CAD: variants seen among roughly 807,000 people sequenced by gnomAD.
CAD encodes the protein multifunctional protein CAD.
CAD carries 81 observed loss-of-function variants against 237.2 expected under a neutral mutation model. That is an observed-to-expected ratio of 0.34 (90% CI 0.29 to 0.41). CAD has a LOEUF of 0.41. CAD is among the 10% of genes least tolerant of loss of function. The probability of loss-of-function intolerance (pLI) is 1.00; values close to 1 mark genes in which losing one functional copy is unlikely to be tolerated. For missense variants in CAD, 2,181 were observed against 2,951.7 expected, an observed-to-expected ratio of 0.74 and a Z score of 6.05; for synonymous variants, 1,196 against 1,162.8, an observed-to-expected ratio of 1.03 and a Z score of -0.58.
At position 27,217,858 on chromosome 2, in the gene CAD, C is replaced by G. The variant is rs770081492; in HGVS notation, c.83-19C>G. The G allele has an allele frequency of 2.5e-6, 4 of 1,584,270 alleles. No homozygotes were observed. The highest frequency in any genetic ancestry group is 3.4e-6 in the Non-Finnish European group (4 of 1,164,868). ...CGAAGGGTGCCCTACCGGAGCCCAG[C>G]CCTGCTTCTTTCTTGCAGTGTTTCA... On this transcript the variant is annotated intron_variant, in intron 1 of 43. Coordinates refer to ENST00000264705, the MANE Select transcript of CAD (RefSeq NM_004341.5).
In CAD at chr2:27,237,499, C is replaced by T. The variant is rs943094776; in HGVS notation, c.4517C>T (p.Thr1506Ile). 2.5e-6 allele frequency: 4 copies of T among 1,613,996 alleles called. No individual in the cohort carries two copies. In the African/African-American group the frequency reaches 4.0e-5, roughly 16 times the overall value. The change falls in exon 28 of 44, where the codon ACC (threonine) becomes ATC (isoleucine). Residue 1506 changes from threonine (T) to isoleucine (I), a missense_variant. Transcript: ENST00000264705. This position sits in a 1 kb window ranked among gnomAD's most constrained non-coding sequence, Gnocchi z 4.0. Reference protein sequence around the residue: ...GITMVCAMPNTRPPIIDAPAL... With the variant: ...GITMVCAMPNIRPPIIDAPAL... The stretch of plus-strand genomic sequence containing the variant: ...ACCATGGTGTGTGCCATGCCTAATA[C>T]CCGGCCCCCCATCATTGACGCCCCT...
rs1341814468 is a variant in CAD at position 27,237,283 on chromosome 2, C to G, written c.4397-96C>G. ...AGGTGATCTGCCCACCTCGGCCTCCCAAAGTGCTAGGATTACAGGCGTGAG... is the reference window on the plus strand; with the variant it reads ...AGGTGATCTGCCCACCTCGGCCTCCGAAAGTGCTAGGATTACAGGCGTGAG... On this transcript the variant is annotated intron_variant, in intron 27 of 43. Coordinates refer to ENST00000264705, the MANE Select transcript of CAD (RefSeq NM_004341.5). The surrounding 1 kb of genome is among the most constrained non-coding windows in gnomAD (Gnocchi z 4.0). The G allele has an allele frequency of 1.1e-5, 15 of 1,362,214 alleles. No homozygotes were observed. In the East Asian group the frequency reaches 3.5e-4, roughly 31 times the overall value. 84.4% of individuals were successfully genotyped at this position (1,362,214 alleles called of 1,614,324 possible).
Position 27,240,892 on chromosome 2 carries a change from C to T in CAD, c.5594-19C>T, listed in dbSNP as rs1418263132. On this transcript the variant is annotated intron_variant, in intron 35 of 43. Coordinates refer to ENST00000264705, the MANE Select transcript of CAD (RefSeq NM_004341.5). The surrounding 1 kb of genome is among the most constrained non-coding windows in gnomAD (Gnocchi z 4.6). ...ACCTCAGCCATAAATGTATATCTGT[C>T]CTCTTGTCCTGTTTGCAGCTGAGGA... The T allele has an allele frequency of 5.6e-6, 9 of 1,613,650 alleles. No homozygotes were observed. The East Asian group carries it at 6.7e-5, about 12-fold the overall frequency.
chr2:27,217,731 G>C (rs548368235), intron 1 of CAD, 98 bp downstream of exon 1: 2 of 1,429,044 alleles, frequency 1.4e-6, no homozygotes, highest in African/African-American at 1.4e-5. Flanking sequence ...TCCCGCCAGC[G>C]TACCCCCTTC....
At position 27,223,578 on chromosome 2, in the gene CAD, C is replaced by T; in HGVS notation, c.825C>T (p.Gly275=). The T allele has an allele frequency of 6.2e-7, 1 of 1,612,832 alleles. No individual in the cohort carries two copies. The part of the protein sequence containing the change: ...KTYKMRYGNR[G]HNQPCLLVGS... The stretch of plus-strand genomic sequence containing the variant: ...CTACCTCCAGATATGGGAACCGAGG[C>T]CATAACCAGCCCTGCTTGTTGGTGG... The change falls in exon 7 of 44, where the codon GGC becomes GGT. Residue 275 remains glycine (G), a synonymous_variant. Coordinates refer to ENST00000264705, the MANE Select transcript of CAD (RefSeq NM_004341.5).
Position 27,238,501 on chromosome 2 carries a change from TC to T in CAD, c.4933del (p.Leu1645Ter). 1 of 1,613,010 alleles carries T rather than the reference TC, an allele frequency of 6.2e-7. No individual in the cohort carries two copies. Among genetic ancestry groups the T allele is most frequent in the East Asian group, 2.2e-5 (1 of 44,868 alleles). On this transcript the variant is annotated frameshift_variant, in exon 31 of 44. Transcript: ENST00000264705. LOFTEE classifies it high-confidence loss of function. ...TGCGAGGTGGCTCCCCACCACCTGT[TC>T]CTAAGCCATGATGACCTGGAGCGCC... is the stretch of plus-strand genomic sequence containing the variant. Reference protein sequence around the residue: ...VTCEVAPHHLFLSHDDLERLG... With the variant: ...VTCEVAPHHLXLSHDDLERLG...
At position 27,220,656 on chromosome 2, in the gene CAD, CA is replaced by C. The variant is rs111297719; in HGVS notation, c.223-548del. On this transcript the variant is annotated intron_variant, in intron 2 of 43. Coordinates refer to ENST00000264705, the MANE Select transcript of CAD (RefSeq NM_004341.5). ...CCTGGATAACAGCAAGACCCTGTCT[CA>C]AAAAAAAAAAAAAGGAATGGCTAGG... Among the ~76,000 whole-genome samples the C allele has an allele frequency of 5.8e-3, 739 of 126,716 alleles. 1 individual carries two copies. Among genetic ancestry groups the C allele is most frequent in the African/African-American group, 9.3e-3 (320 of 34,480 alleles). The allele number at this position is 126,716 out of a possible 152,430, so 83.1% of individuals were successfully genotyped here.
At position 27,217,450 on chromosome 2, in the gene CAD, CCACGTGGACCGACTCCGGCGCGCCGTCCT is replaced by C. The variant is rs1674917399; in HGVS notation, c.-94_-66del. ...TCTCTCCAGCGCCCCGCGCCGTTAG[CCACGTGGACCGACTCCGGCGCGCCGTCCT>C]CACGTGGTTCCAGTGGAGTTTGCAG... On this transcript the variant is annotated 5_prime_UTR_variant, in exon 1 of 44. Coordinates refer to ENST00000264705, the MANE Select transcript of CAD (RefSeq NM_004341.5). 4 of 1,029,616 alleles carry C rather than the reference CCACGTGGACCGACTCCGGCGCGCCGTCCT, an allele frequency of 3.9e-6. No homozygotes were observed. The African/African-American group carries it at 6.4e-5, about 17-fold the overall frequency. 63.8% of individuals were successfully genotyped at this position (1,029,616 alleles called of 1,614,324 possible). A position where few individuals can be genotyped will look rare whatever the true frequency, so the allele number is the denominator to read the frequency against.
rs1451242863 is a variant in CAD, at chr2:27,237,293, G to A, written c.4397-86G>A. ...CCCACCTCGGCCTCCCAAAGTGCTA[G>A]GATTACAGGCGTGAGCCACCATGTC... On this transcript the variant is annotated intron_variant, in intron 27 of 43. Transcript: ENST00000264705. This position sits in a 1 kb window ranked among gnomAD's most constrained non-coding sequence, Gnocchi z 4.0. The A allele has an allele frequency of 2.1e-6, 3 of 1,437,822 alleles. No homozygotes were observed. Among genetic ancestry groups the A allele is most frequent in the Non-Finnish European group, 2.9e-6 (3 of 1,033,310 alleles). 89.1% of individuals were successfully genotyped at this position (1,437,822 alleles called of 1,614,324 possible). A position where few individuals can be genotyped will look rare whatever the true frequency, so the allele number is the denominator to read the frequency against.
chr2:27,222,908 C>T lies in CAD; in HGVS notation c.680C>T (p.Ala227Val), dbSNP rs755381059. The change falls in exon 6 of 44, where the codon GCC becomes GTC. Residue 227 changes from alanine to valine, a missense_variant. By Grantham distance (64) the Ala-to-Val change is moderately conservative. Transcript: ENST00000264705. ...LFLSNGPGDPASYPSVVSTLS... is the reference protein window; with the variant it reads ...LFLSNGPGDPVSYPSVVSTLS... The stretch of plus-strand genomic sequence containing the variant: ...TTAAGTAATGGGCCTGGTGACCCTG[C>T]CTCCTATCCCAGTGTCGTATCCACA... 6.2e-6 allele frequency: 10 copies of T among 1,614,054 alleles called. No individual in the cohort carries two copies. Among genetic ancestry groups the T allele is most frequent in the Non-Finnish European group, 8.5e-6 (10 of 1,180,026 alleles).
chr2:27,217,520 C>A lies in CAD; in HGVS notation c.-32C>A. 6.4e-7 allele frequency: 1 copy of A among 1,560,480 alleles called. No homozygotes were observed. Among genetic ancestry groups the A allele is most frequent in the Non-Finnish European group, 8.7e-7 (1 of 1,145,016 alleles). On this transcript the variant is annotated 5_prime_UTR_variant, in exon 1 of 44. Transcript: ENST00000264705. Reference sequence around the variant, plus strand: ...GAGTTTGCAGTCCTTCCCGCTTCTCCGTACTCGCCCCCGCCTCTGAGCTCC... The same window carrying A: ...GAGTTTGCAGTCCTTCCCGCTTCTCAGTACTCGCCCCCGCCTCTGAGCTCC...
At chr2:27,228,380 A>G (rs1305400715) in intron 15 of CAD, among the ~76,000 whole-genome samples, 1 of 152,194 alleles carries the variant, frequency 6.6e-6, no homozygotes, top group Non-Finnish European at 1.5e-5. Context: ...TGTGTTACCT[A>G]TTGCCTCTAC....
rs1676059069 is a variant in CAD at position 27,237,249 on chromosome 2, C to T, written c.4397-130C>T. 1 of 930,328 alleles carries T rather than the reference C, an allele frequency of 1.1e-6. No individual in the cohort carries two copies. Among genetic ancestry groups the T allele is most frequent in the Non-Finnish European group, 1.7e-6 (1 of 593,088 alleles). The allele number at this position is 930,328 out of a possible 1,614,324, so 57.6% of individuals were successfully genotyped here. A position where few individuals can be genotyped will look rare whatever the true frequency, so the allele number is the denominator to read the frequency against. On this transcript the variant is annotated intron_variant, in intron 27 of 43. Transcript: ENST00000264705. The surrounding 1 kb of genome is among the most constrained non-coding windows in gnomAD (Gnocchi z 4.0). Reference sequence around the variant, plus strand: ...ATGTTGGTCAGGTTGGTCTCGAACTCCTGATCTCAGGTGATCTGCCCACCT... The same window carrying T: ...ATGTTGGTCAGGTTGGTCTCGAACTTCTGATCTCAGGTGATCTGCCCACCT...
chr2:27,243,022 C>A, intron 42 of CAD, 49 bp downstream of exon 42: 1 of 1,476,532 alleles, frequency 6.8e-7, no homozygotes, highest in Non-Finnish European at 9.3e-7. Flanking sequence ...CGTAGGGCAT[C>A]AGATATGAGG....
chr2:27,242,916 GCTCTAC>G lies in CAD; in HGVS notation c.6424_6429del (p.Leu2142_Tyr2143del). On this transcript the variant is annotated inframe_deletion, in exon 42 of 44. Transcript: ENST00000264705. This position sits in a 1 kb window ranked among gnomAD's most constrained non-coding sequence, Gnocchi z 6.4. Reference sequence around the variant, plus strand: ...AGGAGGCGCTGCCTGACACTGATGTGCTCTACATGACTCGAATCCAGAAGGAACGAT... The same window carrying G: ...AGGAGGCGCTGCCTGACACTGATGTGATGACTCGAATCCAGAAGGAACGAT... 6.2e-7 allele frequency: 1 copy of G among 1,613,282 alleles called. No homozygotes were observed.
intron 8 of CAD, 53 bp from the exon 9 acceptor site, chr2:27,224,292 C>T (rs1289777235): frequency 4.4e-6 from 7 of 1,595,238 alleles, no homozygotes; most frequent in Non-Finnish European, 6.0e-6. Context: ...ATCCAGTTGA[C>T]CTCTTGGGTC....
intron 2 of CAD, among the ~76,000 whole-genome samples, chr2:27,218,598 A>G (rs1312070049): frequency 1.3e-5 from 2 of 152,174 alleles, no homozygotes; most frequent in Non-Finnish European, 2.9e-5. Context: ...CAGTGACATT[A>G]TCTTCTAGAC....
Position 27,235,368 on chromosome 2 carries a change from C to T in CAD, c.3910C>T (p.Leu1304=). 2 of 1,614,008 alleles carry T rather than the reference C, an allele frequency of 1.2e-6. No homozygotes were observed. Among genetic ancestry groups the T allele is most frequent in the Non-Finnish European group, 1.7e-6 (2 of 1,179,956 alleles). Residue 1304 remains leucine (L), a synonymous_variant, in exon 24 of 44, where the codon CTA becomes TTA. Transcript: ENST00000264705. This position sits in a 1 kb window ranked among gnomAD's most constrained non-coding sequence, Gnocchi z 5.2. ...SRCEAYLKAM[L]STGFKIPKKN... Reference sequence around the variant, plus strand: ...CTGTGAGGCATACCTCAAGGCCATGCTAAGCACTGGCTTTAAGATCCCCAA... The same window carrying T: ...CTGTGAGGCATACCTCAAGGCCATGTTAAGCACTGGCTTTAAGATCCCCAA...
rs1486222667 is a variant in CAD at position 27,226,082 on chromosome 2, C to T, written c.1843-49C>T. 7.0e-6 allele frequency: 11 copies of T among 1,574,464 alleles called. 1 individual carries two copies. The Middle Eastern group carries it at 1.3e-3, about 182-fold the overall frequency. On this transcript the variant is annotated intron_variant, in intron 12 of 43. Coordinates refer to ENST00000264705, the MANE Select transcript of CAD (RefSeq NM_004341.5). ...AGGACCCTGGGGTGCAGCCTTCTGC[C>T]TCTCCTGACTCTGCTTGGCAGTGAC...
Sources: gnomAD v4.1 joint callset for allele counts (sites outside exome capture counted in the v4.1 genomes callset) on GRCh38, gnomAD v4.1.1 for gene constraint, Gnocchi (gnomAD v3.1) non-coding constraint, MANE v1.5 for transcripts, NCBI Gene and HGNC (gene_info 2026-07-23, HGNC 2026-07-21) for gene names.